AVEN: variants seen among roughly 807,000 people sequenced by gnomAD.
AVEN encodes cell death regulator Aven.
Under a neutral mutation model 38.1 loss-of-function variants are expected in AVEN, and 41 were observed. That is an observed-to-expected ratio of 1.08 (90% CI 0.84 to 1.40). AVEN has a LOEUF of 1.40. AVEN is among the 40% of genes most tolerant of loss of function. AVEN has a pLI of 0.00. For missense variants in AVEN, 605 were observed against 438.8 expected (o/e 1.38, Z -3.38); for synonymous variants, 206 against 171.8 (o/e 1.20, Z -1.56).
At chr15:33,919,006 C>A (rs916680692) in intron 2 of AVEN, among the ~76,000 whole-genome samples, 4 of 149,302 alleles carry the variant, frequency 2.7e-5, no homozygotes, top group Admixed American at 1.3e-4. Flanking sequence ...CTGCAACCTC[C>A]GCCTCCCAGG....
chr15:33,978,724 C>T (rs1454344722), intron 2 of AVEN, among the ~76,000 whole-genome samples: 1 of 151,634 alleles, frequency 6.6e-6, no homozygotes, highest in East Asian at 1.9e-4. Context: ...CAAATTCGTC[C>T]CCAGGCATTT....
At chr15:33,858,740 G>T (rs530281329), downstream of AVEN, 1 of 152,394 alleles carries the variant, frequency 6.6e-6, no homozygotes, top group Admixed American at 6.5e-5. Context: ...GCACTGCCCA[G>T]AGTAAGCCAG....
At chr15:33,937,689 G>A (rs1275718027) in intron 2 of AVEN, among the ~76,000 whole-genome samples, 1 of 151,958 alleles carries the variant, frequency 6.6e-6, no homozygotes, top group African/African-American at 2.4e-5. Context: ...TTCACAATGG[G>A]ATTAATGGCC....
chr15:33,870,656 C>T (rs941436075), intron 4 of AVEN, among the ~76,000 whole-genome samples: 37 of 152,114 alleles, frequency 2.4e-4, no homozygotes, highest in African/African-American at 8.5e-4. Context: ...GAGCGTGATG[C>T]GTAAATATTT....
At chr15:33,915,161 T>C (rs544914523) in intron 2 of AVEN, among the ~76,000 whole-genome samples, 1 of 152,162 alleles carries the variant, frequency 6.6e-6, no homozygotes. Flanking sequence ...AAATGGTAGA[T>C]AGGAGGCAGG....
chr15:33,976,233 T>C (rs1597297123), intron 2 of AVEN, among the ~76,000 whole-genome samples: 5 of 152,224 alleles, frequency 3.3e-5, no homozygotes, highest in Admixed American at 2.6e-4. Flanking sequence ...TATATTACAA[T>C]GTATTCATTT....
chr15:33,857,605 A>G (rs547341877), downstream of AVEN, among the ~76,000 whole-genome samples: 1 of 151,956 alleles, frequency 6.6e-6, no homozygotes, highest in East Asian at 1.9e-4. Context: ...CTGTGGTGCC[A>G]TCTTTCCTCC....
chr15:34,039,756 T>G (rs1899387700), upstream of AVEN, among the ~76,000 whole-genome samples: 1 of 152,174 alleles, frequency 6.6e-6, no homozygotes, highest in Non-Finnish European at 1.5e-5. Context: ...CACATGAGTA[T>G]TTCATTCTCA....
intron 2 of AVEN, among the ~76,000 whole-genome samples, chr15:33,893,902 G>C (rs1384596368): frequency 6.6e-6 from 1 of 151,488 alleles, no homozygotes; most frequent in Non-Finnish European, 1.5e-5. Context: ...CCAACTCAAG[G>C]CTTTTCAAAC....
chr15:33,860,575 C>G (rs751731168), intron 11 of AVEN: 2 of 1,520,958 alleles, frequency 1.3e-6, no homozygotes, highest in Non-Finnish European at 1.8e-6. Flanking sequence ...ATTGCTTTGT[C>G]TTTGTATTTA....
chr15:33,973,552 A>G (rs1235296231), intron 2 of AVEN, among the ~76,000 whole-genome samples: 1 of 152,156 alleles, frequency 6.6e-6, no homozygotes, highest in East Asian at 1.9e-4. Flanking sequence ...GTTAGATTCC[A>G]TTGAAAACCT....
At chr15:33,873,582 T>C (rs904077199) in intron 3 of AVEN, among the ~76,000 whole-genome samples, 1 of 148,270 alleles carries the variant, frequency 6.7e-6, no homozygotes, top group Non-Finnish European at 1.5e-5. Context: ...TTACATATAA[T>C]TATATATAAT....
At chr15:33,900,522 G>A (rs1156596083) in intron 2 of AVEN, among the ~76,000 whole-genome samples, 2 of 151,982 alleles carry the variant, frequency 1.3e-5, no homozygotes, top group African/African-American at 2.4e-5. Context: ...TGCCCAGGCT[G>A]GTTCAAACTC....
At chr15:33,910,486 G>A (rs1734136867) in intron 2 of AVEN, among the ~76,000 whole-genome samples, 1 of 152,250 alleles carries the variant, frequency 6.6e-6, no homozygotes, top group South Asian at 2.1e-4. Flanking sequence ...GGGACGTGAA[G>A]ATAGCTGCGC....
intron 2 of AVEN, among the ~76,000 whole-genome samples, chr15:33,919,651 A>C (rs1335930805): frequency 6.6e-6 from 1 of 152,226 alleles, no homozygotes; most frequent in Non-Finnish European, 1.5e-5. Context: ...TGTGGCTTAG[A>C]ATAAGAGCAC....
intron 2 of AVEN, among the ~76,000 whole-genome samples, chr15:33,914,592 G>A (rs1286814529): frequency 6.7e-6 from 1 of 149,618 alleles, no homozygotes; most frequent in Non-Finnish European, 1.5e-5. Flanking sequence ...AGGCATATAG[G>A]GAAACCATAC....
chr15:33,853,095 T>G, the AVEN span: 1 of 1,587,250 alleles, frequency 6.3e-7, no homozygotes, highest in African/African-American at 1.4e-5. Context: ...AAGGTATGCC[T>G]TGTTAGTGGG....
intron 2 of AVEN, among the ~76,000 whole-genome samples, chr15:33,998,761 T>C (rs1202296229): frequency 1.3e-5 from 2 of 152,216 alleles, no homozygotes; most frequent in African/African-American, 2.4e-5. Context: ...TTAAAGACAC[T>C]ACACTCTCTG....
chr15:33,899,977 A>G (rs1391286483), intron 2 of AVEN, among the ~76,000 whole-genome samples: 1 of 152,166 alleles, frequency 6.6e-6, no homozygotes, highest in Non-Finnish European at 1.5e-5. Flanking sequence ...TCATGTGCAA[A>G]GAAGTAAACA....
Sources: gnomAD v4.1 joint callset for allele counts (sites outside exome capture counted in the v4.1 genomes callset) on GRCh38, gnomAD v4.1.1 for gene constraint, MANE v1.5 for transcripts, NCBI Gene and HGNC (gene_info 2026-07-23, HGNC 2026-07-21) for gene names.